ANKH: variants seen among roughly 807,000 people sequenced by gnomAD.
The protein encoded by ANKH is ANKH inorganic pyrophosphate transport regulator, also known as mineralization regulator ANKH.
A neutral mutation model predicts 49.0 loss-of-function variants in ANKH; 15 were observed. The observed-to-expected ratio is 0.31, with a 90% CI of 0.20 to 0.47. The LOEUF (loss-of-function observed/expected upper bound fraction) is 0.47, where lower values mean the gene tolerates loss of function less well. Ranked by LOEUF, ANKH falls within the 20% of genes least tolerant of loss-of-function variation. ANKH has a pLI of 1.00. For missense variants in ANKH, 429 were observed against 652.0 expected, an observed-to-expected ratio of 0.66 and a Z score of 3.72; for synonymous variants, 273 against 260.0, an observed-to-expected ratio of 1.05 and a Z score of -0.48.
chr5:14,831,430 C>T (rs1461765154), intron 1 of ANKH, among the ~76,000 whole-genome samples: 4 of 152,126 alleles, frequency 2.6e-5, no homozygotes, highest in African/African-American at 4.8e-5. Context: ...CTCATATCTC[C>T]GCACCTTGCT....
chr5:14,743,560 T>C (rs1187716861), intron 7 of ANKH, among the ~76,000 whole-genome samples: 1 of 152,248 alleles, frequency 6.6e-6, no homozygotes, highest in African/African-American at 2.4e-5. Flanking sequence ...AGCTCATGCT[T>C]AGCTAGAACT....
rs188729050 is a variant in ANKH, at chr5:14,818,830, C to A, written c.97-49639G>T. 3.7e-4 allele frequency among the ~76,000 whole-genome samples: 57 copies of A among 152,130 alleles called. 1 individual carries two copies. Among genetic ancestry groups the A allele is most frequent in the African/African-American group, 1.3e-3 (54 of 41,498 alleles). ...CACTGAAACCTCATCGTTCTGGTCG[C>A]CGACTCTTTGAAATGTGCACACAAT... is the stretch of plus-strand genomic sequence containing the variant. On this transcript the variant is annotated intron_variant, in intron 1 of 11. Coordinates refer to ENST00000284268, the MANE Select transcript of ANKH (RefSeq NM_054027.6).
intron 1 of ANKH, among the ~76,000 whole-genome samples, chr5:14,820,390 AG>A (rs1269559741): frequency 5.9e-5 from 9 of 152,200 alleles, no homozygotes; most frequent in Admixed American, 3.3e-4. Context: ...TAAAATGGTA[AG>A]GAAGACTTTA....
At chr5:14,782,687 G>C (rs1003589552) in intron 1 of ANKH, among the ~76,000 whole-genome samples, 1 of 152,202 alleles carries the variant, frequency 6.6e-6, no homozygotes, top group African/African-American at 2.4e-5. Flanking sequence ...AGGCTGAACT[G>C]AGTGTGACTA....
At chr5:14,815,659 T>C (rs1254954013) in intron 1 of ANKH, among the ~76,000 whole-genome samples, 1 of 152,176 alleles carries the variant, frequency 6.6e-6, no homozygotes, top group African/African-American at 2.4e-5. Flanking sequence ...CTAAGGAGTA[T>C]TCTTTATGCA....
At chr5:14,751,626 G>A (rs928838260) in intron 4 of ANKH, among the ~76,000 whole-genome samples, 1 of 152,156 alleles carries the variant, frequency 6.6e-6, no homozygotes, top group Non-Finnish European at 1.5e-5. Context: ...AGCACTGCAT[G>A]TGTGCACCAA....
chr5:14,857,566 G>T (rs1735316955), intron 1 of ANKH, among the ~76,000 whole-genome samples: 1 of 152,066 alleles, frequency 6.6e-6, no homozygotes, highest in Non-Finnish European at 1.5e-5. Context: ...GCTAAGGCAG[G>T]AGAATCGCTT....
At chr5:14,749,036 G>T in intron 6 of ANKH, 136 bp downstream of exon 6, 2 of 1,264,564 alleles carry the variant, frequency 1.6e-6, no homozygotes, top group Non-Finnish European at 1.1e-6. Context: ...GATCTTTATG[G>T]CTTCCTAGTG....
Position 14,751,363 on chromosome 5 carries a change from C to A in ANKH, c.517-124G>T, listed in dbSNP as rs1345497187. On this transcript the variant is annotated intron_variant, in intron 4 of 11. Transcript: ENST00000284268. ...GCAAAGATCTTGACTTTTATGCAAACAGAACCAAAAATTGGATGATGACCC... is the reference window on the plus strand; with the variant it reads ...GCAAAGATCTTGACTTTTATGCAAAAAGAACCAAAAATTGGATGATGACCC... 4.0e-6 allele frequency: 4 copies of A among 997,670 alleles called. No homozygotes were observed. In the African/African-American group the frequency reaches 4.8e-5, roughly 12 times the overall value. The allele number at this position is 997,670 out of a possible 1,614,324, so 61.8% of individuals were successfully genotyped here.
chr5:14,745,269 CTT>C lies in ANKH; in HGVS notation c.915+599_915+600del, dbSNP rs1254383087. On this transcript the variant is annotated intron_variant, in intron 7 of 11. Transcript: ENST00000284268. The surrounding 1 kb of genome is among the most constrained non-coding windows in gnomAD (Gnocchi z 4.7). ...TTAAATGATAACGCTATAAAATAGACTTTAATTGAATGACAGCAGGACAGTGC... is the reference window on the plus strand; with the variant it reads ...TTAAATGATAACGCTATAAAATAGACTAATTGAATGACAGCAGGACAGTGC... 3.3e-5 allele frequency among the ~76,000 whole-genome samples: 5 copies of C among 152,202 alleles called. No homozygotes were observed. The highest frequency in any genetic ancestry group is 9.7e-5 in the African/African-American group (4 of 41,436).
chr5:14,775,811 AAG>A (rs1200220566), intron 1 of ANKH, among the ~76,000 whole-genome samples: 2 of 152,218 alleles, frequency 1.3e-5, no homozygotes, highest in Non-Finnish European at 2.9e-5. Context: ...GTTTTGCTGC[AAG>A]AGCAGTGGGA....
At chr5:14,832,026 A>G (rs974440166) in intron 1 of ANKH, among the ~76,000 whole-genome samples, 4 of 152,170 alleles carry the variant, frequency 2.6e-5, no homozygotes, top group Non-Finnish European at 4.4e-5. Flanking sequence ...GTATTTCTCA[A>G]CAGCTCATAA....
At chr5:14,764,069 C>T (rs1739179626) in intron 2 of ANKH, among the ~76,000 whole-genome samples, 1 of 57,584 alleles carries the variant, frequency 1.7e-5, no homozygotes, top group South Asian at 5.5e-4. Flanking sequence ...GCCTGGGTGA[C>T]AGAACGGAAA....
At position 14,784,494 on chromosome 5, in the gene ANKH, T is replaced by C. The variant is rs965325022; in HGVS notation, c.97-15303A>G. ...ACGGCCTCACACAGAAATGCTTTAT[T>C]ACCTACCCAGGCAATTAAGTAGGAA... On this transcript the variant is annotated intron_variant, in intron 1 of 11. Transcript: ENST00000284268. 4.6e-5 allele frequency among the ~76,000 whole-genome samples: 7 copies of C among 152,314 alleles called. No homozygotes were observed. In the East Asian group the frequency reaches 1.2e-3, roughly 25 times the overall value.
rs371594354 is a variant in ANKH at position 14,758,610 on chromosome 5, C to A, written c.314-12G>T. On this transcript the variant is annotated splice_polypyrimidine_tract_variant and intron_variant, in intron 2 of 11. Transcript: ENST00000284268. ...TAAATCACTATAAGCTGCAAAGTGT[C>A]GAAAGGCATATGTGGAAATATTTAG... 2.0e-6 allele frequency: 3 copies of A among 1,513,998 alleles called. No individual in the cohort carries two copies. The highest frequency in any genetic ancestry group is 1.7e-5 in the Admixed American group (1 of 59,846). 93.8% of individuals were successfully genotyped at this position (1,513,998 alleles called of 1,614,324 possible).
At chr5:14,720,980 A>T (rs1737641336) in intron 8 of ANKH, among the ~76,000 whole-genome samples, 1 of 152,234 alleles carries the variant, frequency 6.6e-6, no homozygotes, top group Admixed American at 6.5e-5. Context: ...CAATCGGGTC[A>T]TGTTCACCCA....
At chr5:14,863,361 G>A (rs1412561308) in intron 1 of ANKH, among the ~76,000 whole-genome samples, 1 of 152,106 alleles carries the variant, frequency 6.6e-6, no homozygotes, top group Non-Finnish European at 1.5e-5. Flanking sequence ...TGAATCTCAC[G>A]TGACTGCCTG....
intron 1 of ANKH, among the ~76,000 whole-genome samples, chr5:14,836,685 C>T (rs1020226606): frequency 4.6e-4 from 70 of 152,254 alleles, no homozygotes; most frequent in African/African-American, 1.1e-3. Context: ...TGAAAATGGC[C>T]ATACTGCCCA....
rs149830396 is a variant in ANKH, at chr5:14,857,648, C to T, written c.96+13704G>A. ...ACTCCAGCCTGGGCAACAGAGACTC[C>T]ATCTCAAAAAAAAGAAAAAGAAAAA... On this transcript the variant is annotated intron_variant, in intron 1 of 11. Coordinates refer to ENST00000284268, the MANE Select transcript of ANKH (RefSeq NM_054027.6). 1.3e-3 allele frequency among the ~76,000 whole-genome samples: 198 copies of T among 151,180 alleles called. 5 individuals are homozygous for T. The East Asian group carries it at 0.036, about 28-fold the overall frequency.
Sources: allele counts gnomAD v4.1 joint callset (sites outside exome capture counted in the v4.1 genomes callset), GRCh38; gene constraint gnomAD v4.1.1; non-coding constraint Gnocchi (gnomAD v3.1); transcripts MANE v1.5; gene names NCBI Gene and HGNC (gene_info 2026-07-23, HGNC 2026-07-21).